The following GNPTAB variants were observed in gnomAD, a reference collection of about 807,000 sequenced individuals.
The protein encoded by GNPTAB is N-acetylglucosamine-1-phosphate transferase subunits alpha and beta.
In GNPTAB, 92 loss-of-function variants were observed where a neutral mutation model predicts 136.6. The ratio of observed to expected loss-of-function variants is 0.67; its 90% confidence interval spans 0.57 to 0.80. The LOEUF (loss-of-function observed/expected upper bound fraction) is 0.80, where lower values mean the gene tolerates loss of function less well. Among genes scored for constraint, GNPTAB ranks in the 30% least tolerant of loss-of-function variants. The pLI is 0.00. For missense variants in GNPTAB, 1,343 were observed against 1,501.8 expected (o/e 0.89, Z 1.75); for synonymous variants, 512 against 535.1 (o/e 0.96, Z 0.60).
In GNPTAB at chr12:101,764,248, C is replaced by A; in HGVS notation, c.2669G>T (p.Gly890Val). 1 of 1,614,052 alleles carries A rather than the reference C, an allele frequency of 6.2e-7. No individual in the cohort carries two copies. The highest frequency in any genetic ancestry group is 8.5e-7 in the Non-Finnish European group (1 of 1,179,966). ...CTTTTTTTTCTCCCATGGCAAAAAG[C>A]CCAAGTAACTATCTGTGTAATGCTG... is the stretch of plus-strand genomic sequence containing the variant. ...KLQHYTDSYL[G>V]FLPWEKKKYF... Residue 890 changes from glycine (G) to valine (V), a missense_variant, in exon 13 of 21, where the codon GGC becomes GTC. Transcript: ENST00000299314.
At chr12:101,785,987 TA>T (rs1312735838) in intron 5 of GNPTAB, 24 bp downstream of exon 5, 10 of 1,496,798 alleles carry the variant, frequency 6.7e-6, no homozygotes, top group Non-Finnish European at 9.3e-6. Context: ...AACATGATTT[TA>T]AAATATCCAT....
At chr12:101,762,815 C>T (rs1245258741) in intron 13 of GNPTAB, among the ~76,000 whole-genome samples, 1 of 148,770 alleles carries the variant, frequency 6.7e-6, no homozygotes, top group African/African-American at 2.5e-5. Context: ...GGGAAGGAGA[C>T]TGAAGAAGGA....
chr12:101,779,869 G>A (rs1953313765), intron 7 of GNPTAB: 7 of 445,132 alleles, frequency 1.6e-5, no homozygotes, highest in Non-Finnish European at 2.9e-5. Flanking sequence ...CGGAAGCTAA[G>A]CAGGGTTGGG....
At chr12:101,824,840 C>G (rs117297434) in intron 1 of GNPTAB, among the ~76,000 whole-genome samples, 1 of 152,080 alleles carries the variant, frequency 6.6e-6, no homozygotes, top group East Asian at 1.9e-4. Context: ...TCACTTGCAA[C>G]CTAGTGCTGT....
At chr12:101,747,340 C>T in intron 20 of GNPTAB, 99 bp from the exon 21 acceptor site, 1 of 723,304 alleles carries the variant, frequency 1.4e-6, no homozygotes. Flanking sequence ...TTAATCATTT[C>T]CACAATCTTA....
intron 8 of GNPTAB, 147 bp from the exon 9 acceptor site, chr12:101,770,732 T>C: frequency 1.4e-6 from 1 of 725,954 alleles, no homozygotes; most frequent in South Asian, 1.6e-5. Context: ...TTACAAAAAA[T>C]GCAAAAGATT....
In GNPTAB at chr12:101,765,312, A is replaced by G; in HGVS notation, c.1613-8T>C. The G allele has an allele frequency of 6.4e-7, 1 of 1,574,138 alleles. No individual in the cohort carries two copies. Among genetic ancestry groups the G allele is most frequent in the Non-Finnish European group, 8.7e-7 (1 of 1,144,210 alleles). ...ACAATTCATGAAAATGATCTAGAGG[A>G]AAAAACAGAAACATGATTTTTTTTT... is the stretch of plus-strand genomic sequence containing the variant. On this transcript the variant is annotated splice_polypyrimidine_tract_variant and splice_region_variant and intron_variant, in intron 12 of 20. Coordinates refer to ENST00000299314, the MANE Select transcript of GNPTAB (RefSeq NM_024312.5).
At chr12:101,792,863 T>A (rs1869071563) in intron 2 of GNPTAB, among the ~76,000 whole-genome samples, 1 of 152,200 alleles carries the variant, frequency 6.6e-6, no homozygotes, top group South Asian at 2.1e-4. Context: ...TCTCTCTCCC[T>A]ACTGTAATGA....
At chr12:101,752,589 C>T (rs1952837324) in intron 19 of GNPTAB, among the ~76,000 whole-genome samples, 1 of 152,232 alleles carries the variant, frequency 6.6e-6, no homozygotes, top group Non-Finnish European at 1.5e-5. Flanking sequence ...TATGAATTCT[C>T]CAACTAAGCT....
Position 101,830,733 on chromosome 12 carries a change from C to G in GNPTAB, c.-58G>C. ...GCCTGAGCCGCCGCCGCCGCCGCCG[C>G]CGCCTCAGCGAGCCGCCATTCAGGG... On this transcript the variant is annotated 5_prime_UTR_variant, in exon 1 of 21. Transcript: ENST00000299314. 8.9e-7 allele frequency: 1 copy of G among 1,122,726 alleles called. No homozygotes were observed. Among genetic ancestry groups the G allele is most frequent in the Non-Finnish European group, 1.3e-6 (1 of 762,054 alleles). The allele number at this position is 1,122,726 out of a possible 1,614,324, so 69.5% of individuals were successfully genotyped here.
intron 1 of GNPTAB, among the ~76,000 whole-genome samples, chr12:101,802,203 A>G (rs1020044981): frequency 1.4e-5 from 2 of 146,984 alleles, no homozygotes; most frequent in African/African-American, 5.0e-5. Flanking sequence ...GTCTCTTAAA[A>G]AAAAAAAAAA....
At chr12:101,819,485 T>C (rs1870691182) in intron 1 of GNPTAB, among the ~76,000 whole-genome samples, 1 of 151,362 alleles carries the variant, frequency 6.6e-6, no homozygotes, top group Non-Finnish European at 1.5e-5. Flanking sequence ...GAGACAGAAA[T>C]GAAGTGAGAA....
chr12:101,814,997 G>A (rs891754921), intron 1 of GNPTAB, among the ~76,000 whole-genome samples: 15 of 152,298 alleles, frequency 9.8e-5, no homozygotes, highest in African/African-American at 3.6e-4. Context: ...AAGGATAACT[G>A]AAAAATATCT....
At chr12:101,761,828 G>T in intron 13 of GNPTAB, 65 bp from the exon 14 acceptor site, 2 of 1,189,832 alleles carry the variant, frequency 1.7e-6, no homozygotes, top group Non-Finnish European at 1.3e-6. Flanking sequence ...TTTGTTACAA[G>T]ACATTTTATA....
In GNPTAB at chr12:101,764,941, A is replaced by G. The variant is rs1165193946; in HGVS notation, c.1976T>C (p.Leu659Pro). 2 of 1,613,980 alleles carry G rather than the reference A, an allele frequency of 1.2e-6. No homozygotes were observed. Among genetic ancestry groups the G allele is most frequent in the Non-Finnish European group, 8.5e-7 (1 of 1,180,032 alleles). Residue 659 changes from leucine (L) to proline (P), a missense_variant, in exon 13 of 21, where the codon CTT (leucine) becomes CCT (proline). Physicochemically the swap from Leu to Pro is moderately conservative, Grantham distance 98 (BLOSUM62 -3). Transcript: ENST00000299314. ...CTCAAAAAGGATTTCCGCCTCTGGA[A>G]GAAGTGTTATGGGACTAACTAAATT... is the stretch of plus-strand genomic sequence containing the variant. ...YENLVSPITL[L>P]PEAEILFEDI...
At chr12:101,774,645 T>C (rs1953233606) in intron 7 of GNPTAB, among the ~76,000 whole-genome samples, 1 of 152,206 alleles carries the variant, frequency 6.6e-6, no homozygotes, top group Non-Finnish European at 1.5e-5. Context: ...ACTTTTAAAT[T>C]CTATAAATGA....
intron 7 of GNPTAB, among the ~76,000 whole-genome samples, chr12:101,776,374 T>C (rs755221415): frequency 1.3e-5 from 2 of 152,200 alleles, no homozygotes; most frequent in Non-Finnish European, 2.9e-5. Flanking sequence ...ACAAAAATTA[T>C]ACAGATAAAT....
rs35884808 is a variant in GNPTAB, at chr12:101,830,004, C to CAAA, written c.117+552_117+554dup. 2.6e-3 allele frequency among the ~76,000 whole-genome samples: 275 copies of CAAA among 106,112 alleles called. 1 individual carries two copies. The highest frequency in any genetic ancestry group is 8.9e-3 in the East Asian group (35 of 3,944). 69.6% of individuals were successfully genotyped at this position (106,112 alleles called of 152,430 possible). A position where few individuals can be genotyped will look rare whatever the true frequency, so the allele number is the denominator to read the frequency against. On this transcript the variant is annotated intron_variant, in intron 1 of 20. Coordinates refer to ENST00000299314, the MANE Select transcript of GNPTAB (RefSeq NM_024312.5). The stretch of plus-strand genomic sequence containing the variant: ...TTTAAAACCTTTTGTAACCTCCTAC[C>CAAA]AAAAAAAAAAAAAAAAAAGAAAAAG...
At chr12:101,827,958 C>G (rs1871183348) in intron 1 of GNPTAB, among the ~76,000 whole-genome samples, 1 of 152,094 alleles carries the variant, frequency 6.6e-6, no homozygotes, top group African/African-American at 2.4e-5. Flanking sequence ...GAGTGAGACT[C>G]TATCTCAAAA....
Sources: allele counts gnomAD v4.1 joint callset (sites outside exome capture counted in the v4.1 genomes callset), GRCh38; gene constraint gnomAD v4.1.1; transcripts MANE v1.5; gene names NCBI Gene and HGNC (gene_info 2026-07-23, HGNC 2026-07-21).